TAF4B: variants seen among roughly 807,000 people sequenced by gnomAD.
The protein encoded by TAF4B is transcription initiation factor TFIID subunit 4B.
TAF4B carries 38 observed loss-of-function variants against 86.4 expected under a neutral mutation model. The observed-to-expected ratio is 0.44, with a 90% confidence interval of 0.34 to 0.58. The LOEUF (loss-of-function observed/expected upper bound fraction) is 0.58, where lower values mean the gene tolerates loss of function less well. TAF4B is among the 20% of genes least tolerant of loss of function. TAF4B has a pLI of 0.02. For synonymous variants in TAF4B, 388 were observed against 391.2 expected (o/e 0.99, Z 0.10); for missense variants, 988 against 1,027.6 (o/e 0.96, Z 0.53).
chr18:26,227,215 C>T lies in TAF4B; in HGVS notation c.282C>T (p.Val94=), dbSNP rs368485870. 5.5e-5 allele frequency: 89 copies of T among 1,613,960 alleles called. No individual in the cohort carries two copies. In the African/African-American group the frequency reaches 1.1e-3, roughly 20 times the overall value. The change falls in exon 1 of 15, where the codon GTC becomes GTT. Residue 94 remains valine (V), a synonymous_variant. Coordinates refer to ENST00000269142, the MANE Select transcript of TAF4B (RefSeq NM_005640.3). ...CTAGGCTGCCTGCTCCTCAGATAGT[C>T]GCCGTGAAAGCCCCCAACACCACGA... ...SGPRLPAPQI[V]AVKAPNTTTI...
chr18:26,351,770 AATG>A (rs1182743812), intron 13 of TAF4B, among the ~76,000 whole-genome samples: 1 of 152,198 alleles, frequency 6.6e-6, no homozygotes, highest in African/African-American at 2.4e-5. Flanking sequence ...TGATGTAAAA[AATG>A]ATGATTGGTG....
chr18:26,358,691 CAG>C (rs1460841728), intron 14 of TAF4B, among the ~76,000 whole-genome samples: 1 of 152,066 alleles, frequency 6.6e-6, no homozygotes, highest in African/African-American at 2.4e-5. Context: ...GCCTGGGCGA[CAG>C]AGCGAGACTC....
intron 14 of TAF4B, among the ~76,000 whole-genome samples, chr18:26,373,929 C>A (rs2057424308): frequency 6.6e-6 from 1 of 152,132 alleles, no homozygotes; most frequent in Non-Finnish European, 1.5e-5. Context: ...TGCCTTAACA[C>A]AAAGCATGAT....
At chr18:26,309,039 G>C (rs907528032) in intron 9 of TAF4B, among the ~76,000 whole-genome samples, 4 of 151,872 alleles carry the variant, frequency 2.6e-5, no homozygotes, top group Non-Finnish European at 4.4e-5. Context: ...TAAAATTTTG[G>C]TTCCTGGAGC....
intron 9 of TAF4B, among the ~76,000 whole-genome samples, chr18:26,302,202 ACTTT>A (rs2056741438): frequency 6.6e-6 from 1 of 151,956 alleles, no homozygotes; most frequent in Non-Finnish European, 1.5e-5. Context: ...TTTGCAATTT[ACTTT>A]CTTTTATGGT....
intron 1 of TAF4B, among the ~76,000 whole-genome samples, chr18:26,249,392 A>C (rs982956447): frequency 9.9e-5 from 15 of 152,070 alleles, no homozygotes; most frequent in African/African-American, 3.6e-4. Flanking sequence ...GAGGCTTGAG[A>C]ATCGCTTGAA....
intron 9 of TAF4B, among the ~76,000 whole-genome samples, chr18:26,313,303 G>A (rs1199742229): frequency 6.6e-6 from 1 of 152,078 alleles, no homozygotes; most frequent in East Asian, 1.9e-4. Flanking sequence ...ATTTTACATA[G>A]TCCCATTAAA....
rs1342053881 is a variant in TAF4B, at chr18:26,286,509, ATT to A, written c.1590+13_1590+14del. On this transcript the variant is annotated intron_variant, in intron 7 of 14. Coordinates refer to ENST00000269142, the MANE Select transcript of TAF4B (RefSeq NM_005640.3). ...TCAAGTCAAGCAACTAGTGAGTAAC[ATT>A]TTGTTTCTTCCCCAGTTACTTATTT... 5 of 1,576,812 alleles carry A rather than the reference ATT, an allele frequency of 3.2e-6. No individual in the cohort carries two copies. In the African/African-American group the frequency reaches 5.5e-5, roughly 17 times the overall value.
chr18:26,234,855 A>G (rs1173156248), intron 1 of TAF4B, among the ~76,000 whole-genome samples: 1 of 152,220 alleles, frequency 6.6e-6, no homozygotes, highest in Non-Finnish European at 1.5e-5. Context: ...TCTGATAGCC[A>G]TAAACTTCCT....
At chr18:26,360,601 A>C (rs929366159) in intron 14 of TAF4B, among the ~76,000 whole-genome samples, 1 of 152,114 alleles carries the variant, frequency 6.6e-6, no homozygotes, top group Non-Finnish European at 1.5e-5. Flanking sequence ...TTTAAGCATA[A>C]ATCTTTGATT....
chr18:26,328,605 C>T (rs2057025947), intron 12 of TAF4B, among the ~76,000 whole-genome samples: 1 of 152,006 alleles, frequency 6.6e-6, no homozygotes, highest in African/African-American at 2.4e-5. Context: ...GCATTTGCTT[C>T]ATCTCTACCA....
At chr18:26,306,342 G>A (rs541444524) in intron 9 of TAF4B, among the ~76,000 whole-genome samples, 1 of 152,194 alleles carries the variant, frequency 6.6e-6, no homozygotes, top group East Asian at 1.9e-4. Flanking sequence ...CCTTAGAGAG[G>A]TAAATTTTGC....
intron 5 of TAF4B, among the ~76,000 whole-genome samples, chr18:26,279,146 T>C (rs186645738): frequency 1.6e-3 from 245 of 152,294 alleles, no homozygotes; most frequent in African/African-American, 5.6e-3. Context: ...GCCAAAAGGC[T>C]TCTAGAACTG....
intron 7 of TAF4B, among the ~76,000 whole-genome samples, chr18:26,290,008 T>C (rs963977532): frequency 6.6e-6 from 1 of 152,214 alleles, no homozygotes; most frequent in Non-Finnish European, 1.5e-5. Flanking sequence ...GACTAACTGG[T>C]GTCAGCCTAA....
chr18:26,242,236 C>T (rs950265648), intron 1 of TAF4B, among the ~76,000 whole-genome samples: 19 of 152,116 alleles, frequency 1.2e-4, no homozygotes, highest in Non-Finnish European at 2.6e-4. Flanking sequence ...CTTTGTAGGT[C>T]TCTAAGGACT....
At chr18:26,317,657 A>AT (rs1232061571) in intron 10 of TAF4B, among the ~76,000 whole-genome samples, 3 of 152,178 alleles carry the variant, frequency 2.0e-5, no homozygotes, top group African/African-American at 7.2e-5. Flanking sequence ...GAGGTTGGCC[A>AT]TTTGAGATCA....
intron 14 of TAF4B, among the ~76,000 whole-genome samples, chr18:26,372,901 G>A (rs988138551): frequency 5.3e-5 from 8 of 151,250 alleles, no homozygotes; most frequent in Non-Finnish European, 8.8e-5. Flanking sequence ...CTTGGGAGGC[G>A]GAGCTTGCAG....
chr18:26,242,698 G>A lies in TAF4B; in HGVS notation c.343+15422G>A, dbSNP rs570183604. On this transcript the variant is annotated intron_variant, in intron 1 of 14. Transcript: ENST00000269142. ...CTAGCATCGATGGTCTTTACAATTT[G>A]GCATGTTTTTGCAGTGGCTGATACT... is the stretch of plus-strand genomic sequence containing the variant. Among the ~76,000 whole-genome samples the A allele has an allele frequency of 1.4e-4, 22 of 152,280 alleles. 1 individual carries two copies. Among genetic ancestry groups the A allele is most frequent in the South Asian group, 8.3e-4 (4 of 4,824 alleles).
intron 13 of TAF4B, among the ~76,000 whole-genome samples, chr18:26,355,345 C>T (rs1226223287): frequency 1.3e-5 from 2 of 152,178 alleles, no homozygotes; most frequent in Non-Finnish European, 2.9e-5. Context: ...TTTCCACAGG[C>T]AAGCCTCTAA....
Sources: gnomAD v4.1 joint callset for allele counts (sites outside exome capture counted in the v4.1 genomes callset) on GRCh38, gnomAD v4.1.1 for gene constraint, MANE v1.5 for transcripts, NCBI Gene and HGNC (gene_info 2026-07-23, HGNC 2026-07-21) for gene names.